MREG: variants seen among roughly 807,000 people sequenced by gnomAD.
MREG encodes the protein dilute suppressor protein homolog.
Under a neutral mutation model 28.5 loss-of-function variants are expected in MREG, and 31 were observed. The ratio of observed to expected loss-of-function variants is 1.09; its 90% CI spans 0.82 to 1.47. MREG has a LOEUF of 1.47. Ranked by LOEUF, MREG falls within the 40% of genes most tolerant of loss-of-function variation. The pLI is 0.00. For missense variants in MREG, 256 were observed against 257.4 expected (o/e 0.99, Z 0.04); for synonymous variants, 106 against 95.2 (o/e 1.11, Z -0.66).
chr2:215,953,032 A>C (rs1692528504), intron 2 of MREG, among the ~76,000 whole-genome samples: 1 of 152,212 alleles, frequency 6.6e-6, no homozygotes, highest in African/African-American at 2.4e-5. Context: ...GTGAGGAAGC[A>C]GATTATCAAT....
intron 2 of MREG, among the ~76,000 whole-genome samples, chr2:215,971,193 G>A (rs11681791): frequency 0.37 from 56,308 of 151,992 alleles, 11,203 homozygotes; most frequent in East Asian, 0.54. Flanking sequence ...AATGCATGCA[G>A]GGCTTAAAAC....
rs1013370293 is a variant in MREG, at chr2:215,998,314, A to T, written c.96-1849T>A. Among the ~76,000 whole-genome samples the T allele has an allele frequency of 3.0e-4, 45 of 147,860 alleles. 1 individual carries two copies. In the Middle Eastern group the frequency reaches 0.01, roughly 34 times the overall value. On this transcript the variant is annotated intron_variant, in intron 1 of 4. Transcript: ENST00000263268. The stretch of plus-strand genomic sequence containing the variant: ...GAGCAAAACTCCATCTCACAAAAAA[A>T]AAAAAAAATAATAATAATAATAATA...
At chr2:215,996,747 A>G (rs181083670) in intron 1 of MREG, among the ~76,000 whole-genome samples, 1 of 151,336 alleles carries the variant, frequency 6.6e-6, no homozygotes, top group Admixed American at 6.6e-5. Flanking sequence ...TGAGTACCCC[A>G]GAAGCTAAGA....
At chr2:215,949,920 C>G (rs1692441756) in intron 2 of MREG, among the ~76,000 whole-genome samples, 1 of 152,174 alleles carries the variant, frequency 6.6e-6, no homozygotes, top group Non-Finnish European at 1.5e-5. Context: ...TCTTATCTCA[C>G]TATACTTTTA....
intron 2 of MREG, among the ~76,000 whole-genome samples, chr2:215,971,619 G>A (rs1465903684): frequency 6.6e-6 from 1 of 152,270 alleles, no homozygotes; most frequent in Admixed American, 6.5e-5. Context: ...TGAGAAGTTC[G>A]CATAAAGAAA....
intron 4 of MREG, 115 bp from the exon 5 acceptor site, chr2:215,945,112 A>C (rs768468258): frequency 2.4e-5 from 26 of 1,072,244 alleles, no homozygotes; most frequent in Non-Finnish European, 3.1e-5. Flanking sequence ...ACAATGAGCA[A>C]GTAAGACGTT....
intron 1 of MREG, among the ~76,000 whole-genome samples, chr2:216,019,567 C>T (rs558816639): frequency 5.1e-4 from 77 of 151,494 alleles, no homozygotes; most frequent in African/African-American, 1.8e-3. Context: ...TGCAGTGACG[C>T]AATCTCGGCT....
At chr2:215,984,752 A>G (rs1693522758) in intron 2 of MREG, among the ~76,000 whole-genome samples, 2 of 152,172 alleles carry the variant, frequency 1.3e-5, no homozygotes, top group African/African-American at 4.8e-5. Flanking sequence ...ACCATGGAAA[A>G]GCATAACTTG....
At chr2:215,965,712 C>T (rs1484176901) in intron 2 of MREG, among the ~76,000 whole-genome samples, 1 of 152,130 alleles carries the variant, frequency 6.6e-6, no homozygotes, top group African/African-American at 2.4e-5. Context: ...TGACACTGAA[C>T]AATTACAGTC....
intron 2 of MREG, among the ~76,000 whole-genome samples, chr2:215,973,418 C>T (rs1044134191): frequency 3.3e-5 from 5 of 152,068 alleles, no homozygotes; most frequent in African/African-American, 9.7e-5. Flanking sequence ...TGCAGACTGC[C>T]GAGGCCGGAT....
intron 1 of MREG, among the ~76,000 whole-genome samples, chr2:216,007,689 C>T (rs7585662): frequency 9.0e-4 from 136 of 151,256 alleles, no homozygotes; most frequent in African/African-American, 3.2e-3. Flanking sequence ...CTTGGTCTTC[C>T]GAAGTGCTGG....
At chr2:215,970,076 C>T (rs1693047839) in intron 2 of MREG, among the ~76,000 whole-genome samples, 1 of 152,152 alleles carries the variant, frequency 6.6e-6, no homozygotes, top group African/African-American at 2.4e-5. Flanking sequence ...GAATCCTAAG[C>T]CCCAGTACCT....
At chr2:215,962,410 G>A (rs1692815832) in intron 2 of MREG, among the ~76,000 whole-genome samples, 1 of 152,182 alleles carries the variant, frequency 6.6e-6, no homozygotes. Context: ...GAGGGGTGGG[G>A]CTTGCCATTT....
At chr2:215,941,147 C>CT (rs143879588), downstream of MREG, among the ~76,000 whole-genome samples, 3,341 of 152,270 alleles carry the variant, frequency 0.022, 182 homozygotes, top group East Asian at 0.19. Flanking sequence ...AACATTCCCG[C>CT]TTCCACATGG....
intron 1 of MREG, among the ~76,000 whole-genome samples, chr2:216,031,647 A>AAAAGAAAG (rs200929112): frequency 0.071 from 6,979 of 97,806 alleles, 336 homozygotes; most frequent in Middle Eastern, 0.15. Context: ...AAGGAAGAAG[A>AAAAGAAAG]AAAGAAAGAA....
At chr2:215,954,168 A>T (rs1312671650) in intron 2 of MREG, among the ~76,000 whole-genome samples, 1 of 152,154 alleles carries the variant, frequency 6.6e-6, no homozygotes, top group African/African-American at 2.4e-5. Context: ...TAATTGGCTA[A>T]TTTCTTCCAA....
At chr2:215,947,740 T>A (rs1042408528) in intron 2 of MREG, among the ~76,000 whole-genome samples, 1 of 152,230 alleles carries the variant, frequency 6.6e-6, no homozygotes, top group Non-Finnish European at 1.5e-5. Flanking sequence ...CACCACCATA[T>A]CTCAGCAACA....
chr2:215,949,182 C>T (rs1243482913), intron 2 of MREG, among the ~76,000 whole-genome samples: 2 of 147,608 alleles, frequency 1.4e-5, no homozygotes, highest in East Asian at 2.0e-4. Context: ...AGAATCACTT[C>T]AACTCAGGAG....
intron 1 of MREG, among the ~76,000 whole-genome samples, chr2:216,018,730 G>A (rs535159283): frequency 4.6e-5 from 7 of 152,292 alleles, no homozygotes; most frequent in African/African-American, 1.4e-4. Flanking sequence ...AGTAAAATCC[G>A]CCAAGGGTCC....
Sources: allele counts gnomAD v4.1 joint callset (sites outside exome capture counted in the v4.1 genomes callset), GRCh38; gene constraint gnomAD v4.1.1; transcripts MANE v1.5; gene names NCBI Gene and HGNC (gene_info 2026-07-23, HGNC 2026-07-21).